Variants in TAFA4 observed in about 807,000 individuals in gnomAD.
TAFA4 encodes the protein chemokine-like protein TAFA-4.
A neutral mutation model predicts 21.1 loss-of-function variants in TAFA4; 20 were observed. The observed-to-expected ratio is 0.95, with a 90% CI of 0.67 to 1.38. TAFA4 has a LOEUF of 1.38. Among genes scored for constraint, TAFA4 ranks in the 40% most tolerant of loss-of-function variants. The pLI, the probability that TAFA4 is intolerant of heterozygous loss-of-function variation, is 0.00. For missense variants in TAFA4, 211 were observed against 180.9 expected (o/e 1.17, Z -0.95); for synonymous variants, 71 against 67.4 (o/e 1.05, Z -0.26).
intron 3 of TAFA4, among the ~76,000 whole-genome samples, chr3:68,823,293 G>C (rs1704152126): frequency 6.6e-6 from 1 of 152,182 alleles, no homozygotes; most frequent in South Asian, 2.1e-4. Context: ...CTAAAATGCA[G>C]TAGTATTAGC....
rs954076269 is a variant in TAFA4 at position 68,752,843 on chromosome 3, G to A, written c.286+20C>T. ...TTGGCCTTTTTGAAATACCAGAGATGCTGACCAGAGAGGTCTTACCTTCAA... is the reference window on the plus strand; with the variant it reads ...TTGGCCTTTTTGAAATACCAGAGATACTGACCAGAGAGGTCTTACCTTCAA... On this transcript the variant is annotated intron_variant, in intron 4 of 5. Transcript: ENST00000295569. The A allele has an allele frequency of 2.3e-5, 37 of 1,613,884 alleles. No individual in the cohort carries two copies. Among genetic ancestry groups the A allele is most frequent in the Non-Finnish European group, 3.1e-5 (37 of 1,179,978 alleles).
chr3:68,750,162 T>C (rs1702534685), intron 4 of TAFA4, among the ~76,000 whole-genome samples: 2 of 152,162 alleles, frequency 1.3e-5, no homozygotes, highest in Admixed American at 6.5e-5. Context: ...CCAGGTGTAA[T>C]GGCTCACACC....
chr3:68,817,199 G>T (rs1703999395), intron 3 of TAFA4, among the ~76,000 whole-genome samples: 1 of 152,166 alleles, frequency 6.6e-6, no homozygotes, highest in Non-Finnish European at 1.5e-5. Context: ...TTTCAACAAT[G>T]TTCACAGAAT....
chr3:68,783,738 A>AAAGAAAGT (rs1167115407), intron 3 of TAFA4, among the ~76,000 whole-genome samples: 3 of 149,354 alleles, frequency 2.0e-5, no homozygotes, highest in African/African-American at 7.4e-5. Flanking sequence ...AGAAAGAAAG[A>AAAGAAAGT]AAGAAAGTAA....
intron 3 of TAFA4, among the ~76,000 whole-genome samples, chr3:68,807,567 A>G (rs955811069): frequency 1.3e-5 from 2 of 152,180 alleles, no homozygotes; most frequent in Non-Finnish European, 2.9e-5. Flanking sequence ...ACTCTTAATG[A>G]TCTGCAGGGC....
intron 3 of TAFA4, among the ~76,000 whole-genome samples, chr3:68,808,678 C>T (rs1437362976): frequency 1.3e-5 from 2 of 152,192 alleles, no homozygotes; most frequent in African/African-American, 2.4e-5. Flanking sequence ...CAAACACACA[C>T]CCTTAGTGAG....
intron 3 of TAFA4, among the ~76,000 whole-genome samples, chr3:68,775,673 C>G (rs559567871): frequency 1.6e-4 from 24 of 152,130 alleles, no homozygotes; most frequent in Middle Eastern, 3.4e-3. Flanking sequence ...AATACAGGTC[C>G]CATATTGACC....
intron 1 of TAFA4, among the ~76,000 whole-genome samples, chr3:68,890,199 G>A (rs1289322587): frequency 6.6e-6 from 1 of 152,062 alleles, no homozygotes; most frequent in African/African-American, 2.4e-5. Context: ...CAGGATAGAG[G>A]GAACGAAGAA....
chr3:68,811,242 T>G (rs1007402165), intron 3 of TAFA4, among the ~76,000 whole-genome samples: 5 of 152,140 alleles, frequency 3.3e-5, no homozygotes, highest in African/African-American at 1.2e-4. Context: ...GCAGAAAAAC[T>G]GGAAACTCTA....
At chr3:68,825,724 A>G (rs1704213635) in intron 3 of TAFA4, among the ~76,000 whole-genome samples, 1 of 152,200 alleles carries the variant, frequency 6.6e-6, no homozygotes, top group Admixed American at 6.5e-5. Flanking sequence ...GCTTTTCCCT[A>G]TCTGTGAGGC....
At chr3:68,753,346 T>TTTC (rs1400175727) in intron 3 of TAFA4, among the ~76,000 whole-genome samples, 69 of 149,274 alleles carry the variant, frequency 4.6e-4, no homozygotes, top group Non-Finnish European at 7.0e-4. Flanking sequence ...TTTTTTTTTT[T>TTTC]TTTTTTTGAG....
intron 1 of TAFA4, among the ~76,000 whole-genome samples, chr3:68,925,219 GT>G (rs1450382559): frequency 6.6e-6 from 1 of 152,162 alleles, no homozygotes; most frequent in Non-Finnish European, 1.5e-5. Flanking sequence ...GTGCGTGTGT[GT>G]GAGTGTGTGT....
At chr3:68,880,686 G>T in intron 3 of TAFA4, 44 bp downstream of exon 3, 2 of 1,501,952 alleles carry the variant, frequency 1.3e-6, no homozygotes, top group South Asian at 1.1e-5. Flanking sequence ...CATTTGGAGG[G>T]GTTTTATTAT....
chr3:68,790,673 T>C (rs1399730849), intron 3 of TAFA4, among the ~76,000 whole-genome samples: 2 of 152,168 alleles, frequency 1.3e-5, no homozygotes, highest in South Asian at 2.1e-4. Context: ...CTGACATTTG[T>C]GCAGAGGCAT....
At chr3:68,753,958 A>G (rs920831505) in intron 3 of TAFA4, among the ~76,000 whole-genome samples, 4 of 152,234 alleles carry the variant, frequency 2.6e-5, no homozygotes, top group Non-Finnish European at 5.9e-5. Flanking sequence ...TCTGACCTGC[A>G]GAAACATGGG....
chr3:68,773,336 T>G (rs939082724), intron 3 of TAFA4, among the ~76,000 whole-genome samples: 1 of 152,218 alleles, frequency 6.6e-6, no homozygotes, highest in African/African-American at 2.4e-5. Flanking sequence ...GGGTCCTCGA[T>G]GTGGAGTGTC....
chr3:68,800,970 T>C (rs1703566103), intron 3 of TAFA4, among the ~76,000 whole-genome samples: 1 of 152,132 alleles, frequency 6.6e-6, no homozygotes, highest in Non-Finnish European at 1.5e-5. Context: ...AGAGAGAAGA[T>C]GCCACCCCTT....
At chr3:68,795,013 C>CACAG (rs896843214) in intron 3 of TAFA4, among the ~76,000 whole-genome samples, 12 of 148,534 alleles carry the variant, frequency 8.1e-5, no homozygotes, top group African/African-American at 2.8e-4. Context: ...CACACACACA[C>CACAG]ACACACACAC....
chr3:68,880,792 T>G lies in TAFA4; in HGVS notation c.68A>C (p.Tyr23Ser). 1.2e-6 allele frequency: 2 copies of G among 1,613,870 alleles called. No individual in the cohort carries two copies. Among genetic ancestry groups the G allele is most frequent in the Non-Finnish European group, 8.5e-7 (1 of 1,179,946 alleles). Residue 23 changes from tyrosine to serine, a missense_variant, in exon 3 of 6, where the codon TAC becomes TCC. By Grantham distance (144) the Tyr-to-Ser change is moderately radical. Coordinates refer to ENST00000295569, the MANE Select transcript of TAFA4 (RefSeq NM_182522.5). ...CAGCTTACAGCACACCATTAACACG[T>G]AGGCTAGAAAGAGCCAGTGCGACAG... is the stretch of plus-strand genomic sequence containing the variant. ...VLLSHWLFLA[Y>S]VLMVCCKLMS... is the part of the protein sequence containing the mutation.
Sources: gnomAD v4.1 joint callset for allele counts (sites outside exome capture counted in the v4.1 genomes callset) on GRCh38, gnomAD v4.1.1 for gene constraint, MANE v1.5 for transcripts, NCBI Gene and HGNC (gene_info 2026-07-23, HGNC 2026-07-21) for gene names.